Variants in KAZN observed in about 807,000 individuals in gnomAD.
The protein encoded by KAZN is kazrin.
KAZN carries 40 observed loss-of-function variants against 87.4 expected under a neutral mutation model. That is an observed-to-expected ratio of 0.46 (90% CI 0.36 to 0.60). KAZN has a LOEUF of 0.60. Among genes scored for constraint, KAZN ranks in the 20% least tolerant of loss-of-function variants. KAZN has a pLI of 0.00. For missense variants in KAZN, 898 were observed against 1,073.9 expected (o/e 0.84, Z 2.29); for synonymous variants, 466 against 458.3 (o/e 1.02, Z -0.22).
chr1:13,905,082 C>T (rs1400203002), intron 1 of KAZN, among the ~76,000 whole-genome samples: 1 of 152,128 alleles, frequency 6.6e-6, no homozygotes, highest in Non-Finnish European at 1.5e-5. Context: ...TAGAAGTTCT[C>T]ATTGAATAGT....
intron 2 of KAZN, among the ~76,000 whole-genome samples, chr1:14,241,830 T>C (rs1332421804): frequency 6.6e-6 from 1 of 152,224 alleles, no homozygotes; most frequent in Admixed American, 6.5e-5. Context: ...ATTTTCATAA[T>C]ATCTGTCTCT....
At chr1:14,338,503 AAAGAGAG>A (rs781252510) in intron 2 of KAZN, among the ~76,000 whole-genome samples, 24 of 140,868 alleles carry the variant, frequency 1.7e-4, no homozygotes, top group South Asian at 7.6e-4. Flanking sequence ...AAAAAAAAAA[AAAGAGAG>A]AGAGAGAGAG....
intron 1 of KAZN, among the ~76,000 whole-genome samples, chr1:13,936,551 A>G (rs1196995354): frequency 6.6e-6 from 1 of 152,192 alleles, no homozygotes; most frequent in African/African-American, 2.4e-5. Context: ...TGGAGTCTCC[A>G]AGGTCTGTTT....
chr1:14,042,682 G>C (rs1381711435), intron 1 of KAZN, among the ~76,000 whole-genome samples: 1 of 152,114 alleles, frequency 6.6e-6, no homozygotes, highest in East Asian at 1.9e-4. Context: ...AGAGTAGAAG[G>C]GGACAGATAT....
At chr1:14,428,552 G>T (rs1665871439) in intron 2 of KAZN, among the ~76,000 whole-genome samples, 1 of 152,120 alleles carries the variant, frequency 6.6e-6, no homozygotes. Flanking sequence ...ATATGTATTA[G>T]TCCATTCTTG....
chr1:14,777,552 C>A (rs1645216899), intron 1 of KAZN, among the ~76,000 whole-genome samples: 1 of 152,160 alleles, frequency 6.6e-6, no homozygotes, highest in African/African-American at 2.4e-5. Flanking sequence ...CTTCACCCAG[C>A]ATCTGCTTCC....
At chr1:14,985,773 G>A (rs1256871880) in intron 2 of KAZN, among the ~76,000 whole-genome samples, 1 of 152,038 alleles carries the variant, frequency 6.6e-6, no homozygotes, top group Non-Finnish European at 1.5e-5. Flanking sequence ...GGAGGCTGAG[G>A]CAGGCGGATC....
At chr1:15,113,553 G>A (rs1243674939) in intron 14 of KAZN, 1 of 152,204 alleles carries the variant, frequency 6.6e-6, no homozygotes, top group Non-Finnish European at 1.5e-5. Flanking sequence ...TGCAGTAAGA[G>A]AGAAGTATTT....
At chr1:14,134,151 G>A (rs191010512) in intron 1 of KAZN, among the ~76,000 whole-genome samples, 14 of 152,336 alleles carry the variant, frequency 9.2e-5, no homozygotes, top group Admixed American at 9.2e-4. Flanking sequence ...TCATCTGCAT[G>A]CCTAGATTCT....
intron 10 of KAZN, among the ~76,000 whole-genome samples, chr1:15,095,159 A>G (rs4661576): frequency 0.4 from 60,838 of 151,970 alleles, 13,672 homozygotes; most frequent in East Asian, 0.85. Flanking sequence ...TGGGGAAGAC[A>G]AGAGGCCCCA....
In KAZN at chr1:14,381,722, C is replaced by T. The variant is rs145182431; in HGVS notation, c.249+201130C>T. ...TAAAAGACCAATAGTTAATATCATG[C>T]TGAATGGGAAAAAACGGAAAGCCTT... On this transcript the variant is annotated intron_variant, in intron 2 of 16. Coordinates refer to the KAZN transcript ENST00000636203. Among the ~76,000 whole-genome samples the T allele has an allele frequency of 5.2e-3, 791 of 152,164 alleles. 6 individuals are homozygous for T. The highest frequency in any genetic ancestry group is 0.018 in the African/African-American group (753 of 41,512).
intron 2 of KAZN, among the ~76,000 whole-genome samples, chr1:14,965,976 C>T (rs2101806717): frequency 7.3e-6 from 1 of 137,764 alleles, no homozygotes; most frequent in South Asian, 2.3e-4. Flanking sequence ...TCTTTCCTTT[C>T]CTTTTCTTTT....
chr1:14,774,468 A>ACT (rs1557476099), intron 1 of KAZN, among the ~76,000 whole-genome samples: 3 of 131,286 alleles, frequency 2.3e-5, no homozygotes, highest in Admixed American at 7.8e-5. Flanking sequence ...TCTTGAACAG[A>ACT]TTTTTTTTTT....
chr1:14,430,213 C>CAAAAA (rs35741487), intron 2 of KAZN, among the ~76,000 whole-genome samples: 1 of 105,820 alleles, frequency 9.5e-6, no homozygotes, highest in African/African-American at 3.3e-5. Context: ...GCCCTGCAAC[C>CAAAAA]AAAAAAAAAA....
At chr1:14,516,621 G>T (rs1481162682) in intron 2 of KAZN, among the ~76,000 whole-genome samples, 1 of 152,224 alleles carries the variant, frequency 6.6e-6, no homozygotes, top group African/African-American at 2.4e-5. Context: ...ACTGATGTTG[G>T]AGTCATTTTA....
intron 2 of KAZN, among the ~76,000 whole-genome samples, chr1:14,466,492 C>T (rs957310944): frequency 1.3e-5 from 2 of 151,916 alleles, no homozygotes; most frequent in Non-Finnish European, 2.9e-5. Context: ...TGGGGCCTCT[C>T]AGGGAGTGGG....
chr1:14,680,011 T>G (rs1640474384), intron 1 of KAZN, among the ~76,000 whole-genome samples: 1 of 152,156 alleles, frequency 6.6e-6, no homozygotes, highest in African/African-American at 2.4e-5. Context: ...CAGCTGACCA[T>G]GCAACTCGCC....
At chr1:14,905,346 T>C (rs139346494) in intron 1 of KAZN, among the ~76,000 whole-genome samples, 105 of 152,230 alleles carry the variant, frequency 6.9e-4, no homozygotes, top group South Asian at 3.7e-3. Flanking sequence ...ACAGGCGTGA[T>C]CTACTGCGCC....
intron 6 of KAZN, 200 bp from the exon 7 acceptor site, chr1:15,063,372 G>C (rs2100547620): frequency 1.7e-6 from 1 of 594,270 alleles, no homozygotes; most frequent in East Asian, 2.8e-5. Context: ...AGGAACTCTA[G>C]GGAAACTCCA....
Sources: allele counts gnomAD v4.1 joint callset (sites outside exome capture counted in the v4.1 genomes callset), GRCh38; gene constraint gnomAD v4.1.1; transcripts MANE v1.5; gene names NCBI Gene and HGNC (gene_info 2026-07-23, HGNC 2026-07-21).